Variants in B4GALT1 observed in about 807,000 individuals in gnomAD.
B4GALT1 encodes the protein N-acetyllactosamine synthase.
Under a neutral mutation model 34.9 loss-of-function variants are expected in B4GALT1, and 16 were observed. The ratio of observed to expected loss-of-function variants is 0.46; its 90% confidence interval spans 0.31 to 0.70. B4GALT1 has a LOEUF of 0.70. Among genes scored for constraint, B4GALT1 ranks in the 30% least tolerant of loss-of-function variants. B4GALT1 has a pLI of 0.05. For missense variants in B4GALT1, 445 were observed against 530.5 expected, an observed-to-expected ratio of 0.84 and a Z score of 1.58; for synonymous variants, 221 against 218.1, an observed-to-expected ratio of 1.01 and a Z score of -0.12.
the B4GALT1 span, among the ~76,000 whole-genome samples, chr9:33,174,768 A>T: frequency 1.4e-5 from 2 of 141,304 alleles, no homozygotes; most frequent in Non-Finnish European, 3.1e-5. Context: ...ACCAGCCTGG[A>T]CAATATGGTG....
the B4GALT1 span, chr9:33,177,464 G>C: frequency 1.3e-5 from 2 of 152,198 alleles, no homozygotes; most frequent in Non-Finnish European, 2.9e-5. Flanking sequence ...CCCACCGTCT[G>C]TTTTGGTAAG....
rs747846243 is a variant in B4GALT1 at position 33,145,232 on chromosome 9, G to C, written c.413-9808C>G. 3.6e-4 allele frequency among the ~76,000 whole-genome samples: 55 copies of C among 152,148 alleles called. No homozygotes were observed. The Middle Eastern group carries it at 0.01, about 28-fold the overall frequency. ...CAGCACCCCATCAATTTTAAAATAA[G>C]TTTTCTCCAGGCTCTAGGCCTAGCA... is the stretch of plus-strand genomic sequence containing the variant. On this transcript the variant is annotated intron_variant, in intron 1 of 5. Transcript: ENST00000379731.
intron 2 of B4GALT1, among the ~76,000 whole-genome samples, chr9:33,105,401 A>C (rs1839788442): frequency 6.6e-6 from 1 of 152,142 alleles, no homozygotes; most frequent in African/African-American, 2.4e-5. Flanking sequence ...TCAGCCTCCC[A>C]AAGTGCTAGG....
chr9:33,163,923 A>G (rs1199790359), intron 1 of B4GALT1, among the ~76,000 whole-genome samples: 2 of 152,146 alleles, frequency 1.3e-5, no homozygotes, highest in Admixed American at 6.5e-5. Flanking sequence ...CAAGCCTCAC[A>G]TTAGCCCAGA....
chr9:33,144,600 G>A (rs1026488269), intron 1 of B4GALT1, among the ~76,000 whole-genome samples: 1 of 152,110 alleles, frequency 6.6e-6, no homozygotes, highest in Non-Finnish European at 1.5e-5. Flanking sequence ...GTTCTTATAA[G>A]CCACCTCAAA....
In B4GALT1 at chr9:33,135,278, G is replaced by A. The variant is rs1409572147; in HGVS notation, c.559C>T (p.Arg187Trp). 3 of 1,614,202 alleles carry A rather than the reference G, an allele frequency of 1.9e-6. No individual in the cohort carries two copies. The highest frequency in any genetic ancestry group is 1.1e-5 in the South Asian group (1 of 91,086). Residue 187 changes from arginine (R) to tryptophan (W), a missense_variant, in exon 2 of 6, where the codon CGG (arginine) becomes TGG (tryptophan). Coordinates refer to ENST00000379731, the MANE Select transcript of B4GALT1 (RefSeq NM_001497.4). Reference sequence around the variant, plus strand: ...AGCCAGTACTTGAGGTGCTCCTGCCGGTTGCGGAATGGAATGATGATGGCC... The same window carrying A: ...AGCCAGTACTTGAGGTGCTCCTGCCAGTTGCGGAATGGAATGATGATGGCC... The part of the protein sequence containing the change: ...KVAIIIPFRN[R>W]QEHLKYWLYY...
At chr9:33,147,139 T>G (rs532619885) in intron 1 of B4GALT1, among the ~76,000 whole-genome samples, 1 of 152,184 alleles carries the variant, frequency 6.6e-6, no homozygotes, top group Non-Finnish European at 1.5e-5. Context: ...ACTTTGTTGG[T>G]GACAGCACAG....
downstream of B4GALT1, among the ~76,000 whole-genome samples, chr9:33,108,438 C>T (rs1258911656): frequency 2.5e-5 from 3 of 121,458 alleles, no homozygotes; most frequent in Admixed American, 9.2e-5. Context: ...CATATTGAAA[C>T]TCTGTCTCTA....
chr9:33,168,863 C>T (rs1840810744), upstream of B4GALT1, among the ~76,000 whole-genome samples: 1 of 152,234 alleles, frequency 6.6e-6, no homozygotes, highest in African/African-American at 2.4e-5. Flanking sequence ...ACATCTTGCC[C>T]TCAGCAACCT....
chr9:33,118,919 T>G lies in B4GALT1; in HGVS notation c.836+1500A>C, dbSNP rs1350749397. 2.6e-5 allele frequency among the ~76,000 whole-genome samples: 4 copies of G among 151,926 alleles called. No individual in the cohort carries two copies. The East Asian group carries it at 7.7e-4, about 29-fold the overall frequency. ...CTCTGTTGCCCAAGTTGAAGTTCAATGGCGCGATCTCAACTCACTGCAACC... is the reference window on the plus strand; with the variant it reads ...CTCTGTTGCCCAAGTTGAAGTTCAAGGGCGCGATCTCAACTCACTGCAACC... On this transcript the variant is annotated intron_variant, in intron 3 of 5. Coordinates refer to ENST00000379731, the MANE Select transcript of B4GALT1 (RefSeq NM_001497.4).
chr9:33,167,365 A>C (rs1840783125), upstream of B4GALT1: 1 of 567,744 alleles, frequency 1.8e-6, no homozygotes, highest in Non-Finnish European at 2.5e-6. Context: ...GCGCCGGCGG[A>C]GAGGGGAGGG....
At chr9:33,119,235 T>C (rs779069361) in intron 3 of B4GALT1, among the ~76,000 whole-genome samples, 1 of 151,880 alleles carries the variant, frequency 6.6e-6, no homozygotes, top group African/African-American at 2.4e-5. Context: ...AGTTTATTTA[T>C]ATATTTACTT....
chr9:33,113,664 C>T (rs1839897636), intron 5 of B4GALT1, 78 bp from the exon 6 acceptor site: 16 of 1,609,156 alleles, frequency 9.9e-6, no homozygotes, highest in Non-Finnish European at 1.4e-5. Context: ...CTTCCTCCTC[C>T]CTCTCCACTG....
downstream of B4GALT1, chr9:33,108,642 G>A (rs888232413): frequency 6.6e-6 from 1 of 152,182 alleles, no homozygotes; most frequent in African/African-American, 2.4e-5. Context: ...GTGGGTGGAT[G>A]CGTGCGTCTG....
chr9:33,170,256 C>T (rs1442126617), upstream of B4GALT1, among the ~76,000 whole-genome samples: 1 of 152,164 alleles, frequency 6.6e-6, no homozygotes, highest in Non-Finnish European at 1.5e-5. Flanking sequence ...AGTTGTGAGC[C>T]ACCGTGCCCG....
At chr9:33,151,388 T>C (rs1840515775) in intron 1 of B4GALT1, among the ~76,000 whole-genome samples, 1 of 152,178 alleles carries the variant, frequency 6.6e-6, no homozygotes, top group Non-Finnish European at 1.5e-5. Flanking sequence ...GGAGCTGCGG[T>C]GCTGACTACG....
intron 1 of B4GALT1, among the ~76,000 whole-genome samples, chr9:33,158,223 C>G (rs1251889821): frequency 6.6e-6 from 1 of 152,078 alleles, no homozygotes; most frequent in Admixed American, 6.5e-5. Flanking sequence ...CAACAGAGAC[C>G]AAAGGAGTTA....
intron 2 of B4GALT1, among the ~76,000 whole-genome samples, chr9:33,124,186 A>T (rs545911566): frequency 3.9e-5 from 6 of 152,198 alleles, no homozygotes; most frequent in Admixed American, 6.5e-5. Flanking sequence ...TTCTTTGATA[A>T]GAAAGACAGG....
intron 2 of B4GALT1, among the ~76,000 whole-genome samples, chr9:33,134,566 T>C (rs1027430234): frequency 6.6e-6 from 1 of 152,256 alleles, no homozygotes; most frequent in Admixed American, 6.5e-5. Flanking sequence ...AGTTGACCTA[T>C]CCTTAGCATT....
Sources: gnomAD v4.1 joint callset for allele counts (sites outside exome capture counted in the v4.1 genomes callset) on GRCh38, gnomAD v4.1.1 for gene constraint, MANE v1.5 for transcripts, NCBI Gene and HGNC (gene_info 2026-07-23, HGNC 2026-07-21) for gene names.